ZFAND3: variants seen among roughly 807,000 people sequenced by gnomAD.
The protein encoded by ZFAND3 is zinc finger AN1-type containing 3, also known as AN1-type zinc finger protein 3.
ZFAND3 carries 10 observed loss-of-function variants against 29.6 expected under a neutral mutation model. That is an observed-to-expected ratio of 0.34 (90% CI 0.21 to 0.57). ZFAND3 has a LOEUF of 0.57. Ranked by LOEUF, ZFAND3 falls within the 20% of genes least tolerant of loss-of-function variation. ZFAND3 has a pLI of 0.86. For missense variants in ZFAND3, 230 were observed against 304.5 expected (o/e 0.76, Z 1.82); for synonymous variants, 128 against 112.6 (o/e 1.14, Z -0.87).
intron 4 of ZFAND3, among the ~76,000 whole-genome samples, chr6:38,093,901 C>T (rs910731298): frequency 1.3e-5 from 2 of 151,614 alleles, no homozygotes; most frequent in African/African-American, 2.4e-5. Context: ...AACTATTTTG[C>T]CCCTACTAAA....
At chr6:38,025,372 A>C (rs186773822) in intron 2 of ZFAND3, among the ~76,000 whole-genome samples, 2 of 152,254 alleles carry the variant, frequency 1.3e-5, no homozygotes, top group East Asian at 3.9e-4. Context: ...CTTTTTTAGG[A>C]GGCACAATAT....
chr6:37,849,940 C>T (rs542474867), intron 1 of ZFAND3, among the ~76,000 whole-genome samples: 1 of 152,262 alleles, frequency 6.6e-6, no homozygotes, highest in South Asian at 2.1e-4. Context: ...CTCTGCTGTA[C>T]TCCTTCCTCT....
chr6:38,144,250 T>G (rs73734310), intron 5 of ZFAND3, among the ~76,000 whole-genome samples: 4,355 of 136,286 alleles, frequency 0.032, 238 homozygotes, highest in African/African-American at 0.097. Flanking sequence ...TTAATAAGGT[T>G]GCTTGATCAT....
At chr6:37,971,559 T>G (rs146405110) in intron 2 of ZFAND3, among the ~76,000 whole-genome samples, 125 of 152,350 alleles carry the variant, frequency 8.2e-4, no homozygotes, top group African/African-American at 2.9e-3. Context: ...CAAGGTTTAC[T>G]TAAGATTTTT....
intron 2 of ZFAND3, among the ~76,000 whole-genome samples, chr6:37,999,244 C>T (rs1036415565): frequency 5.9e-5 from 9 of 151,910 alleles, no homozygotes; most frequent in Admixed American, 4.6e-4. Context: ...AGTTGTAACC[C>T]GAAATATAAA....
At chr6:37,860,880 A>G (rs1379949414) in intron 1 of ZFAND3, among the ~76,000 whole-genome samples, 1 of 151,978 alleles carries the variant, frequency 6.6e-6, no homozygotes, top group African/African-American at 2.4e-5. Context: ...GAGATATGGT[A>G]CTCCATGAAG....
chr6:38,134,349 G>A (rs559561847), intron 5 of ZFAND3, among the ~76,000 whole-genome samples: 5 of 152,060 alleles, frequency 3.3e-5, no homozygotes, highest in Non-Finnish European at 5.9e-5. Context: ...ATTACACATC[G>A]GTGAATTATA....
chr6:38,118,944 A>G lies in ZFAND3; in HGVS notation c.529+2205A>G, dbSNP rs187309023. Reference sequence around the variant, plus strand: ...AGTATGCATCCTTTTTAAATGTTCTAACATGTAGTCTCTTGGCTTGTGCCC... The same window carrying G: ...AGTATGCATCCTTTTTAAATGTTCTGACATGTAGTCTCTTGGCTTGTGCCC... On this transcript the variant is annotated intron_variant, in intron 5 of 5. Coordinates refer to ENST00000287218, the MANE Select transcript of ZFAND3 (RefSeq NM_021943.3). Among the ~76,000 whole-genome samples, 19 of 152,206 alleles carry G rather than the reference A, an allele frequency of 1.2e-4. No homozygotes were observed. The East Asian group carries it at 3.7e-3, about 29-fold the overall frequency.
intron 2 of ZFAND3, among the ~76,000 whole-genome samples, chr6:37,982,426 G>A (rs893641393): frequency 2.0e-5 from 3 of 152,102 alleles, no homozygotes; most frequent in African/African-American, 7.2e-5. Flanking sequence ...TCTAGAGGGT[G>A]AAAGATGATG....
intron 1 of ZFAND3, among the ~76,000 whole-genome samples, chr6:37,896,644 TCCTGCCTG>T (rs1405964802): frequency 6.7e-6 from 1 of 149,460 alleles, no homozygotes; most frequent in East Asian, 1.9e-4. Context: ...CTTCCTGCCT[TCCTGCCTG>T]CCTGCCTTCT....
At chr6:38,086,234 G>A (rs1581905152) in intron 4 of ZFAND3, among the ~76,000 whole-genome samples, 1 of 152,146 alleles carries the variant, frequency 6.6e-6, no homozygotes, top group East Asian at 1.9e-4. Flanking sequence ...ATTATTAACA[G>A]TTAAACTCAT....
At chr6:38,141,267 C>CTTTCA (rs1224855859) in intron 5 of ZFAND3, among the ~76,000 whole-genome samples, 1 of 152,226 alleles carries the variant, frequency 6.6e-6, no homozygotes, top group African/African-American at 2.4e-5. Context: ...CCTGCTCTTC[C>CTTTCA]TTTCACTACA....
intron 1 of ZFAND3, among the ~76,000 whole-genome samples, chr6:37,894,840 C>T (rs1765169113): frequency 6.6e-6 from 1 of 152,206 alleles, no homozygotes; most frequent in African/African-American, 2.4e-5. Context: ...TGTCTTTTAG[C>T]ATGCAACATC....
intron 1 of ZFAND3, among the ~76,000 whole-genome samples, chr6:37,912,715 A>G (rs542404951): frequency 6.6e-6 from 1 of 152,312 alleles, no homozygotes; most frequent in Non-Finnish European, 1.5e-5. Context: ...TAAGCATATG[A>G]TAGGGATATC....
At chr6:38,003,689 A>G (rs898009245) in intron 2 of ZFAND3, 4 of 231,362 alleles carry the variant, frequency 1.7e-5, no homozygotes, top group South Asian at 7.4e-5. Context: ...TTTTTTTTGT[A>G]GAGACGGGGT....
intron 1 of ZFAND3, among the ~76,000 whole-genome samples, chr6:37,873,244 T>C (rs1764729968): frequency 6.6e-6 from 1 of 152,204 alleles, no homozygotes; most frequent in Non-Finnish European, 1.5e-5. Flanking sequence ...GCATTCAGCC[T>C]GGGTGACAGA....
intron 1 of ZFAND3, among the ~76,000 whole-genome samples, chr6:37,821,695 A>C (rs1032724648): frequency 6.6e-6 from 1 of 152,252 alleles, no homozygotes; most frequent in African/African-American, 2.4e-5. Context: ...TGCCAGTGGC[A>C]GCTAATGCTC....
intron 1 of ZFAND3, among the ~76,000 whole-genome samples, chr6:37,892,328 G>A (rs908699476): frequency 6.6e-6 from 1 of 152,206 alleles, no homozygotes; most frequent in African/African-American, 2.4e-5. Context: ...GTGGTAGCAC[G>A]TGCCTGTAGT....
At chr6:37,980,116 A>G (rs1211752861) in intron 2 of ZFAND3, among the ~76,000 whole-genome samples, 3 of 150,508 alleles carry the variant, frequency 2.0e-5, no homozygotes, top group Non-Finnish European at 2.9e-5. Context: ...AGCCAAGACA[A>G]TTGTAGGGCT....
Sources: gnomAD v4.1 joint callset for allele counts (sites outside exome capture counted in the v4.1 genomes callset) on GRCh38, gnomAD v4.1.1 for gene constraint, MANE v1.5 for transcripts, NCBI Gene and HGNC (gene_info 2026-07-23, HGNC 2026-07-21) for gene names.